AOPEP: variants seen among roughly 807,000 people sequenced by gnomAD.
AOPEP encodes aminopeptidase O.
In AOPEP, 77 loss-of-function variants were observed where a neutral mutation model predicts 98.1. That is an observed-to-expected ratio of 0.78 (90% CI 0.65 to 0.95). AOPEP has a LOEUF of 0.95. AOPEP is among the 40% of genes least tolerant of loss of function. The pLI is 0.00. For missense variants in AOPEP, 1,024 were observed against 1,024.7 expected (o/e 1.00, Z 0.01); for synonymous variants, 346 against 365.3 (o/e 0.95, Z 0.60).
chr9:94,815,827 T>G (rs902993585), intron 5 of AOPEP, among the ~76,000 whole-genome samples: 2 of 152,196 alleles, frequency 1.3e-5, no homozygotes, highest in African/African-American at 4.8e-5. Context: ...ATCCCATTGT[T>G]TGCCACACTG....
chr9:94,919,239 C>T (rs1247923543), intron 5 of AOPEP, among the ~76,000 whole-genome samples: 1 of 152,166 alleles, frequency 6.6e-6, no homozygotes, highest in Non-Finnish European at 1.5e-5. Flanking sequence ...CTCAGATCCC[C>T]TTACACATTG....
intron 5 of AOPEP, among the ~76,000 whole-genome samples, chr9:94,819,542 A>T (rs537623604): frequency 4.1e-4 from 63 of 152,298 alleles, no homozygotes; most frequent in African/African-American, 1.5e-3. Context: ...TGTAGGCCAG[A>T]ATGGAATGTC....
chr9:94,858,154 CGATTCCTCAATGCT>C (rs1564271466), intron 5 of AOPEP, among the ~76,000 whole-genome samples: 2 of 151,726 alleles, frequency 1.3e-5, no homozygotes, highest in African/African-American at 4.8e-5. Context: ...TCCGATTTTC[CGATTCCTCAATGCT>C]GATTCTTGGC....
intron 3 of AOPEP, 70 bp downstream of exon 3, chr9:94,773,238 A>AT (rs777831157): frequency 6.3e-4 from 868 of 1,370,806 alleles, no homozygotes; most frequent in Non-Finnish European, 7.3e-4. Context: ...AATAAACAGT[A>AT]TTTTTCTAAA....
intron 10 of AOPEP, among the ~76,000 whole-genome samples, chr9:94,974,644 A>G (rs1223800208): frequency 6.6e-6 from 1 of 152,098 alleles, no homozygotes; most frequent in Non-Finnish European, 1.5e-5. Context: ...GCAACCACGC[A>G]GGAGCCAGGC....
the AOPEP span, among the ~76,000 whole-genome samples, chr9:95,118,278 C>CA: frequency 6.6e-6 from 1 of 152,228 alleles, no homozygotes; most frequent in African/African-American, 2.4e-5. Context: ...CTCGGCCTCC[C>CA]AAAGTGCTGG....
At chr9:95,124,959 TA>T in the AOPEP span, 2 of 810,908 alleles carry the variant, frequency 2.5e-6, no homozygotes, top group East Asian at 2.7e-5. Context: ...GGGCACTCAT[TA>T]GGAACCTTTC....
intron 11 of AOPEP, among the ~76,000 whole-genome samples, chr9:94,998,507 ATGT>A (rs893535967): frequency 2.6e-5 from 4 of 152,164 alleles, no homozygotes; most frequent in African/African-American, 7.2e-5. Context: ...GCTTCTGGTA[ATGT>A]TGTATTGCTT....
the AOPEP span, chr9:95,101,920 G>A: frequency 1.3e-5 from 21 of 1,571,122 alleles, no homozygotes; most frequent in Admixed American, 1.0e-4. Flanking sequence ...GTCCAGGGAC[G>A]GACCATAACC....
chr9:95,111,039 T>C, the AOPEP span: 1 of 1,456,908 alleles, frequency 6.9e-7, no homozygotes, highest in Non-Finnish European at 9.0e-7. Context: ...ACAGTCAAGA[T>C]GGAAGCAAGC....
At chr9:94,743,508 C>A (rs1448139295) in intron 1 of AOPEP, among the ~76,000 whole-genome samples, 1 of 152,172 alleles carries the variant, frequency 6.6e-6, no homozygotes, top group Non-Finnish European at 1.5e-5. Flanking sequence ...ACCTTCTGGT[C>A]AGAAAAGTTT....
chr9:94,774,875 C>T (rs1173994282), intron 3 of AOPEP, among the ~76,000 whole-genome samples: 1 of 152,186 alleles, frequency 6.6e-6, no homozygotes, highest in African/African-American at 2.4e-5. Context: ...AGCAGCAGGT[C>T]TCTCTTTAAT....
At chr9:95,020,918 C>CAAAAAAAA (rs55696602) in intron 13 of AOPEP, among the ~76,000 whole-genome samples, 37,662 of 72,218 alleles carry the variant, frequency 0.52, 11,794 homozygotes, top group East Asian at 0.61. Context: ...GACCTTGTCT[C>CAAAAAAAA]AAAAAAAAAA....
At chr9:94,981,406 A>G (rs1311945272) in intron 11 of AOPEP, among the ~76,000 whole-genome samples, 1 of 152,174 alleles carries the variant, frequency 6.6e-6, no homozygotes, top group Non-Finnish European at 1.5e-5. Flanking sequence ...CCGGCTATAA[A>G]TTGTGTTTAA....
At chr9:95,127,077 AATCAC>A in the AOPEP span, 1 of 165,732 alleles carries the variant, frequency 6.0e-6, no homozygotes, top group Admixed American at 5.7e-5. Context: ...CGCTGGACTA[AATCAC>A]ATCACATCTT....
intron 13 of AOPEP, among the ~76,000 whole-genome samples, chr9:95,054,518 C>T (rs936687200): frequency 1.3e-4 from 20 of 152,116 alleles, no homozygotes; most frequent in Non-Finnish European, 2.8e-4. Context: ...GGAATAATAG[C>T]ACGGGAACAT....
intron 4 of AOPEP, 103 bp from the exon 5 acceptor site, chr9:94,800,654 C>T: frequency 8.2e-7 from 1 of 1,220,480 alleles, no homozygotes; most frequent in Non-Finnish European, 1.2e-6. Flanking sequence ...GTGAGTCTGT[C>T]TGAACCTCTG....
chr9:95,137,897 CAG>C, the AOPEP span, among the ~76,000 whole-genome samples: 4 of 152,212 alleles, frequency 2.6e-5, no homozygotes, highest in Admixed American at 6.5e-5. Flanking sequence ...CAGCACATGG[CAG>C]AGAGAGGAGA....
rs536241204 is a variant in AOPEP, at chr9:94,845,317, C to G, written c.1364+44315C>G. Among the ~76,000 whole-genome samples the G allele has an allele frequency of 8.5e-5, 13 of 152,304 alleles. No homozygotes were observed. In the South Asian group the frequency reaches 2.7e-3, roughly 32 times the overall value. On this transcript the variant is annotated intron_variant, in intron 5 of 16. Transcript: ENST00000375315. ...CTGGGAGAACTGCAGGAAGGCCAGGCTGCTGGTGTTGAATGAACGAGGGAA... is the reference window on the plus strand; with the variant it reads ...CTGGGAGAACTGCAGGAAGGCCAGGGTGCTGGTGTTGAATGAACGAGGGAA...
Sources: gnomAD v4.1 joint callset for allele counts (sites outside exome capture counted in the v4.1 genomes callset) on GRCh38, gnomAD v4.1.1 for gene constraint, MANE v1.5 for transcripts, NCBI Gene and HGNC (gene_info 2026-07-23, HGNC 2026-07-21) for gene names.